LDHC: variants seen among roughly 807,000 people sequenced by gnomAD.
LDHC encodes L-lactate dehydrogenase C chain.
A neutral mutation model predicts 30.2 loss-of-function variants in LDHC; 20 were observed. The observed-to-expected ratio is 0.66, with a 90% CI of 0.47 to 0.96. The LOEUF is 0.96. LDHC is among the 40% of genes least tolerant of loss of function. The pLI, the probability that LDHC is intolerant of heterozygous loss-of-function variation, is 0.00. For synonymous variants in LDHC, 139 were observed against 132.7 expected (o/e 1.05, Z -0.32); for missense variants, 362 against 394.9 (o/e 0.92, Z 0.71).
At chr11:18,444,608 A>G (rs1328187997) in intron 6 of LDHC, among the ~76,000 whole-genome samples, 10 of 23,420 alleles carry the variant, frequency 4.3e-4, no homozygotes, top group South Asian at 9.8e-4. Flanking sequence ...CAGGTGGTAT[A>G]TATATATATA....
intron 4 of LDHC, among the ~76,000 whole-genome samples, chr11:18,434,027 G>A (rs1390167487): frequency 6.6e-6 from 1 of 152,042 alleles, no homozygotes; most frequent in Non-Finnish European, 1.5e-5. Flanking sequence ...TGTCTTTGTT[G>A]GATTGGGTTA....
chr11:18,440,879 C>T (rs1278470539), intron 6 of LDHC, among the ~76,000 whole-genome samples: 3 of 151,204 alleles, frequency 2.0e-5, no homozygotes, highest in Non-Finnish European at 2.9e-5. Flanking sequence ...AACTCAAACT[C>T]GCAGAGGTAT....
At chr11:18,438,385 G>T (rs1162806617) in intron 5 of LDHC, 143 bp from the exon 6 acceptor site, 3 of 597,564 alleles carry the variant, frequency 5.0e-6, no homozygotes, top group Non-Finnish European at 9.3e-6. Flanking sequence ...CAACACTAGC[G>T]GTTACATTTC....
chr11:18,424,992 A>C (rs1046524848), intron 3 of LDHC, among the ~76,000 whole-genome samples: 1 of 152,194 alleles, frequency 6.6e-6, no homozygotes, highest in Non-Finnish European at 1.5e-5. Context: ...TGGGTGATAG[A>C]GCCATCTCAA....
chr11:18,440,466 T>G (rs1848445347), intron 6 of LDHC, among the ~76,000 whole-genome samples: 1 of 152,232 alleles, frequency 6.6e-6, no homozygotes, highest in Non-Finnish European at 1.5e-5. Context: ...TTATATTATT[T>G]TATTTTTGGT....
At chr11:18,426,291 C>T (rs1389881908) in intron 3 of LDHC, among the ~76,000 whole-genome samples, 2 of 151,972 alleles carry the variant, frequency 1.3e-5, no homozygotes, top group African/African-American at 2.4e-5. Flanking sequence ...CTTTGGGAGC[C>T]CGAGGCAGGT....
intron 4 of LDHC, among the ~76,000 whole-genome samples, chr11:18,432,710 A>G (rs190962943): frequency 3.3e-5 from 5 of 152,338 alleles, no homozygotes; most frequent in Admixed American, 3.3e-4. Flanking sequence ...TTACCATTAT[A>G]TAATGTCCCT....
chr11:18,436,616 A>G (rs2133837660), intron 5 of LDHC, among the ~76,000 whole-genome samples: 1 of 150,262 alleles, frequency 6.7e-6, no homozygotes, highest in East Asian at 2.0e-4. Flanking sequence ...CCTCCTGAGT[A>G]GCTGGGATTA....
intron 5 of LDHC, 132 bp downstream of exon 5, chr11:18,435,045 C>G: frequency 5.6e-6 from 3 of 532,758 alleles, no homozygotes; most frequent in African/African-American, 1.9e-5. Flanking sequence ...CCTGGTGTAA[C>G]TTTTACTATT....
chr11:18,429,673 A>G (rs987121929), intron 3 of LDHC, 64 bp from the exon 4 acceptor site: 3 of 895,146 alleles, frequency 3.4e-6, no homozygotes, highest in African/African-American at 3.3e-5. Context: ...TAGAGTTTTA[A>G]GGAGTTAAGG....
intron 4 of LDHC, 52 bp from the exon 5 acceptor site, chr11:18,434,688 A>T (rs4757664): frequency 0.66 from 655,702 of 987,664 alleles, 220,932 homozygotes; most frequent in Admixed American, 0.72. Context: ...GAAAAAAAAA[A>T]TTTTTTTAAG....
rs1457765141 is a variant in LDHC at position 18,413,387 on chromosome 11, A to G, written c.126+544A>G. Reference sequence around the variant, plus strand: ...CATGAGCCACCACACCTGGCTGCCAATAGGTATTGTTTTTAACCCTTGTGC... The same window carrying G: ...CATGAGCCACCACACCTGGCTGCCAGTAGGTATTGTTTTTAACCCTTGTGC... On this transcript the variant is annotated intron_variant, in intron 2 of 7. Transcript: ENST00000541669. Among the ~76,000 whole-genome samples the G allele has an allele frequency of 2.8e-5, 4 of 142,564 alleles. No individual in the cohort carries two copies. In the East Asian group the frequency reaches 6.6e-4, roughly 24 times the overall value. 93.5% of individuals were successfully genotyped at this position (142,564 alleles called of 152,430 possible). A position where few individuals can be genotyped will look rare whatever the true frequency, so the allele number is the denominator to read the frequency against.
intron 2 of LDHC, 118 bp from the exon 3 acceptor site, chr11:18,415,066 C>T: frequency 1.8e-6 from 1 of 561,198 alleles, no homozygotes; most frequent in Non-Finnish European, 3.2e-6. Flanking sequence ...ATTTTTATAT[C>T]ATTTTTCCCT....
At chr11:18,429,686 C>A (rs943307331) in intron 3 of LDHC, 51 bp from the exon 4 acceptor site, 1 of 1,080,704 alleles carries the variant, frequency 9.3e-7, no homozygotes, top group Non-Finnish European at 1.4e-6. Context: ...AGTTAAGGCA[C>A]AGTGGTTATG....
At chr11:18,416,732 T>G (rs1867029235) in intron 3 of LDHC, among the ~76,000 whole-genome samples, 1 of 139,702 alleles carries the variant, frequency 7.2e-6, no homozygotes, top group South Asian at 2.4e-4. Context: ...TCCTTCCCCC[T>G]TTCCCTTCTC....
At chr11:18,427,344 G>T (rs1424641572) in intron 3 of LDHC, among the ~76,000 whole-genome samples, 2 of 152,172 alleles carry the variant, frequency 1.3e-5, no homozygotes, top group African/African-American at 4.8e-5. Context: ...GACAGAGCAA[G>T]ATTGTGCCTC....
chr11:18,442,745 C>T (rs1848489600), intron 6 of LDHC, among the ~76,000 whole-genome samples: 1 of 150,294 alleles, frequency 6.7e-6, no homozygotes, highest in Admixed American at 6.7e-5. Flanking sequence ...TCACTGCAAC[C>T]TCCGCCTCCT....
intron 6 of LDHC, among the ~76,000 whole-genome samples, chr11:18,441,253 TG>T (rs959984174): frequency 6.6e-6 from 1 of 152,110 alleles, no homozygotes; most frequent in Non-Finnish European, 1.5e-5. Flanking sequence ...TTATCTAGCA[TG>T]GTGAAAGGAT....
rs1210877266 is a variant in LDHC, at chr11:18,451,347, A to AGGT, written c.*222_*224dup. On this transcript the variant is annotated 3_prime_UTR_variant, in exon 8 of 8. Coordinates refer to ENST00000541669, the MANE Select transcript of LDHC (RefSeq NM_017448.5). ...TATTCTAATGATACCCAATCTGTAC[A>AGGT]GGTGTAAGTTATACTTCTGAGGTAT... 1 of 328,622 alleles carries AGGT rather than the reference A, an allele frequency of 3.0e-6. No individual in the cohort carries two copies. Among genetic ancestry groups the AGGT allele is most frequent in the Non-Finnish European group, 5.4e-6 (1 of 184,612 alleles). The allele number at this position is 328,622 out of a possible 1,614,324, so 20.4% of individuals were successfully genotyped here. A position where few individuals can be genotyped will look rare whatever the true frequency, so the allele number is the denominator to read the frequency against.
Sources: allele counts gnomAD v4.1 joint callset (sites outside exome capture counted in the v4.1 genomes callset), GRCh38; gene constraint gnomAD v4.1.1; transcripts MANE v1.5; gene names NCBI Gene and HGNC (gene_info 2026-07-23, HGNC 2026-07-21).